NSD1: variants seen among roughly 807,000 people sequenced by gnomAD.
The protein encoded by NSD1 is nuclear receptor binding SET domain protein 1, also known as histone-lysine N-methyltransferase, H3 lysine-36 specific.
In NSD1, 26 loss-of-function variants were observed where a neutral mutation model predicts 242.7. The observed-to-expected ratio is 0.11, with a 90% CI of 0.08 to 0.15. The LOEUF (loss-of-function observed/expected upper bound fraction) is 0.15, where lower values mean the gene tolerates loss of function less well. Among genes scored for constraint, NSD1 ranks in the 10% least tolerant of loss-of-function variants. The pLI is 1.00. For synonymous variants in NSD1, 1,106 were observed against 1,178.1 expected (o/e 0.94, Z 1.25); for missense variants, 2,495 against 3,272.8 (o/e 0.76, Z 5.80).
intron 21 of NSD1, among the ~76,000 whole-genome samples, chr5:177,290,337 AT>A (rs1292553960): frequency 2.6e-5 from 4 of 151,698 alleles, no homozygotes; most frequent in Non-Finnish European, 5.9e-5. Context: ...TGCCTTTTTG[AT>A]TGTGAAGCTC....
chr5:177,283,036 C>T (rs1759020289), intron 19 of NSD1, among the ~76,000 whole-genome samples: 1 of 152,138 alleles, frequency 6.6e-6, no homozygotes, highest in South Asian at 2.1e-4. Flanking sequence ...TTGCTGCAAC[C>T]TCTGCCTCCT....
At position 177,241,795 on chromosome 5, in the gene NSD1, T is replaced by C. The variant is rs115353116; in HGVS notation, c.4302+1930T>C. On this transcript the variant is annotated intron_variant, in intron 8 of 22. Coordinates refer to ENST00000439151, the MANE Select transcript of NSD1 (RefSeq NM_022455.5). ...TGTTGAAGTCCTGGTTACTCTGAGG[T>C]ATATTTTGTCATAAGGCTAAAGCCA... Among the ~76,000 whole-genome samples the C allele has an allele frequency of 9.2e-3, 1,399 of 152,228 alleles. 20 individuals carry two copies. The highest frequency in any genetic ancestry group is 0.032 in the African/African-American group (1,327 of 41,528).
rs1304129605 is a variant in NSD1 at position 177,134,325 on chromosome 5, G to C, written c.-18+373G>C. 1 of 152,288 alleles carries C rather than the reference G, an allele frequency of 6.6e-6. No homozygotes were observed. The allele number at this position is 152,288 out of a possible 1,614,324, so 9.4% of individuals were successfully genotyped here. ...CTGCTGAATATTGATGAGAGCGATCGGCTCGGCTGGGAGGTGCTGCCGCGG... is the reference window on the plus strand; with the variant it reads ...CTGCTGAATATTGATGAGAGCGATCCGCTCGGCTGGGAGGTGCTGCCGCGG... On this transcript the variant is annotated intron_variant, in intron 1 of 22. Coordinates refer to ENST00000439151, the MANE Select transcript of NSD1 (RefSeq NM_022455.5). The surrounding 1 kb of genome is among the most constrained non-coding windows in gnomAD (Gnocchi z 4.2).
At chr5:177,139,990 T>A (rs1333259899) in intron 2 of NSD1, among the ~76,000 whole-genome samples, 6 of 151,564 alleles carry the variant, frequency 4.0e-5, no homozygotes, top group Non-Finnish European at 8.8e-5. Flanking sequence ...GTAAGAGTAG[T>A]TATTAGGGTT....
At chr5:177,163,280 C>A (rs1420656985) in intron 2 of NSD1, among the ~76,000 whole-genome samples, 1 of 151,716 alleles carries the variant, frequency 6.6e-6, no homozygotes. Flanking sequence ...GTAGCTGGGA[C>A]TACAGGCACG....
intron 10 of NSD1, chr5:177,247,910 T>G (rs1438794969): frequency 1.0e-6 from 1 of 985,100 alleles, no homozygotes; most frequent in East Asian, 1.1e-4. Context: ...TTAAGAATGT[T>G]TTCTCTCCCT....
At position 177,244,104 on chromosome 5, in the gene NSD1, A is replaced by G. The variant is rs544233491; in HGVS notation, c.4303-91A>G. 1.6e-4 allele frequency: 149 copies of G among 917,398 alleles called. 2 individuals are homozygous for G. The South Asian group carries it at 1.8e-3, about 11-fold the overall frequency. The allele number at this position is 917,398 out of a possible 1,614,324, so 56.8% of individuals were successfully genotyped here. A position where few individuals can be genotyped will look rare whatever the true frequency, so the allele number is the denominator to read the frequency against. ...TAAAACAAGTCAAAATTCAATATCC[A>G]TGGCAGCTGACAATTCAGACTTTGG... On this transcript the variant is annotated intron_variant, in intron 8 of 22. Transcript: ENST00000439151.
At chr5:177,157,449 G>A (rs776300198) in intron 2 of NSD1, among the ~76,000 whole-genome samples, 1 of 151,874 alleles carries the variant, frequency 6.6e-6, no homozygotes, top group Non-Finnish European at 1.5e-5. Flanking sequence ...TGTAATCCCA[G>A]CACTTTGGGA....
intron 2 of NSD1, among the ~76,000 whole-genome samples, chr5:177,151,513 C>T (rs1453445954): frequency 1.3e-5 from 2 of 151,902 alleles, no homozygotes; most frequent in African/African-American, 4.8e-5. Context: ...CTCAGCCTCC[C>T]GACTAGCTGG....
rs1757146030 is a variant in NSD1 at position 177,145,303 on chromosome 5, G to C, written c.927+9273G>C. ...AAGATTTTTTTTTTTTTTTTGGACA[G>C]TGTCTCGCTCTGTTGCTCAGGCTGG... is the stretch of plus-strand genomic sequence containing the variant. On this transcript the variant is annotated intron_variant, in intron 2 of 22. Transcript: ENST00000439151. 2.1e-5 allele frequency among the ~76,000 whole-genome samples: 3 copies of C among 140,582 alleles called. 1 individual carries two copies. In the South Asian group the frequency reaches 6.6e-4, roughly 31 times the overall value. The allele number at this position is 140,582 out of a possible 152,430, so 92.2% of individuals were successfully genotyped here. A position where few individuals can be genotyped will look rare whatever the true frequency, so the allele number is the denominator to read the frequency against.
At chr5:177,287,585 G>A (rs901795957) in intron 20 of NSD1, among the ~76,000 whole-genome samples, 3 of 152,136 alleles carry the variant, frequency 2.0e-5, no homozygotes, top group Admixed American at 6.5e-5. Context: ...GCAGTGAGCC[G>A]GGATCTCACC....
At chr5:177,216,567 A>G (rs1763788019) in intron 5 of NSD1, among the ~76,000 whole-genome samples, 4 of 151,926 alleles carry the variant, frequency 2.6e-5, no homozygotes, top group Admixed American at 2.6e-4. Context: ...TCCAGTTTTC[A>G]CAATACCATC....
intron 3 of NSD1, among the ~76,000 whole-genome samples, chr5:177,194,570 A>G (rs1274514381): frequency 7.3e-6 from 1 of 137,068 alleles, no homozygotes; most frequent in African/African-American, 2.8e-5. Context: ...TGTGTGAGTC[A>G]CCATGCCTCT....
At chr5:177,145,336 T>C (rs898455158) in intron 2 of NSD1, among the ~76,000 whole-genome samples, 1 of 151,006 alleles carries the variant, frequency 6.6e-6, no homozygotes, top group African/African-American at 2.4e-5. Context: ...TGGAGTCTAG[T>C]AGTATGATCA....
intron 2 of NSD1, among the ~76,000 whole-genome samples, chr5:177,181,435 T>TTG (rs1554183379): frequency 6.9e-6 from 1 of 145,512 alleles, no homozygotes; most frequent in African/African-American, 2.6e-5. Context: ...TGGTTTTTTT[T>TTG]TTTTTTTTTT....
intron 5 of NSD1, among the ~76,000 whole-genome samples, chr5:177,225,433 G>A (rs983447079): frequency 2.0e-5 from 3 of 152,094 alleles, no homozygotes; most frequent in Non-Finnish European, 4.4e-5. Flanking sequence ...GTGAGCCGCC[G>A]TGCCCAGCCG....
At chr5:177,155,944 A>T (rs567593274) in intron 2 of NSD1, among the ~76,000 whole-genome samples, 4 of 151,960 alleles carry the variant, frequency 2.6e-5, no homozygotes, top group Non-Finnish European at 4.4e-5. Flanking sequence ...ACCTCAGGTG[A>T]TATGCCCGAC....
At chr5:177,207,423 CA>C (rs900925088) in intron 4 of NSD1, among the ~76,000 whole-genome samples, 7 of 150,930 alleles carry the variant, frequency 4.6e-5, no homozygotes, top group African/African-American at 1.7e-4. Context: ...GCTGGGACTA[CA>C]GGTGTCCGCC....
At chr5:177,173,374 T>C (rs1398062333) in intron 2 of NSD1, among the ~76,000 whole-genome samples, 2 of 151,478 alleles carry the variant, frequency 1.3e-5, no homozygotes, top group African/African-American at 4.8e-5. Context: ...GCCACTAATA[T>C]GTTGTCTGGC....
Sources: allele counts gnomAD v4.1 joint callset (sites outside exome capture counted in the v4.1 genomes callset), GRCh38; gene constraint gnomAD v4.1.1; non-coding constraint Gnocchi (gnomAD v3.1); transcripts MANE v1.5; gene names NCBI Gene and HGNC (gene_info 2026-07-23, HGNC 2026-07-21).